CDH9: variants seen among roughly 807,000 people sequenced by gnomAD.
The protein encoded by CDH9 is cadherin-9.
In CDH9, 28 loss-of-function variants were observed where a neutral mutation model predicts 70.9. The observed-to-expected ratio is 0.40, with a 90% CI of 0.29 to 0.54. The LOEUF (loss-of-function observed/expected upper bound fraction) is 0.54. Ranked by LOEUF, CDH9 falls within the 20% of genes least tolerant of loss-of-function variation. The probability of loss-of-function intolerance (pLI) is 0.59; values close to 1 mark genes in which losing one functional copy is unlikely to be tolerated. For synonymous variants in CDH9, 409 were observed against 343.1 expected (o/e 1.19, Z -2.12); for missense variants, 874 against 984.4 (o/e 0.89, Z 1.50).
At chr5:26,975,789 A>G (rs1334075947) in intron 2 of CDH9, among the ~76,000 whole-genome samples, 2 of 152,224 alleles carry the variant, frequency 1.3e-5, no homozygotes, top group Non-Finnish European at 2.9e-5. Context: ...CTTATAGCCT[A>G]TATCATAACC....
intron 1 of CDH9, among the ~76,000 whole-genome samples, chr5:27,030,856 T>A (rs1057468130): frequency 4.6e-5 from 7 of 151,836 alleles, no homozygotes; most frequent in Non-Finnish European, 1.0e-4. Context: ...GTGAGAGTAA[T>A]TCTTTACATC....
chr5:26,924,140 A>G (rs1239780202), intron 2 of CDH9, among the ~76,000 whole-genome samples: 1 of 152,088 alleles, frequency 6.6e-6, no homozygotes, highest in Non-Finnish European at 1.5e-5. Flanking sequence ...AACAAAATCA[A>G]CAATCATTTA....
chr5:26,893,664 TAAC>T (rs1478206499), intron 7 of CDH9, among the ~76,000 whole-genome samples: 4 of 149,524 alleles, frequency 2.7e-5, no homozygotes, highest in Non-Finnish European at 5.9e-5. Flanking sequence ...TAAGAATGCA[TAAC>T]AGCATATATA....
At chr5:26,938,140 A>C (rs1741593129) in intron 2 of CDH9, among the ~76,000 whole-genome samples, 1 of 151,728 alleles carries the variant, frequency 6.6e-6, no homozygotes, top group Non-Finnish European at 1.5e-5. Context: ...TAAACCTAAA[A>C]CTTCTCTAAA....
chr5:26,901,263 T>G (rs1244872393), intron 7 of CDH9, among the ~76,000 whole-genome samples: 1 of 151,962 alleles, frequency 6.6e-6, no homozygotes, highest in Non-Finnish European at 1.5e-5. Flanking sequence ...ATAATGTATT[T>G]TTTTAAAACA....
At chr5:26,942,377 T>C (rs562205738) in intron 2 of CDH9, among the ~76,000 whole-genome samples, 85 of 152,036 alleles carry the variant, frequency 5.6e-4, no homozygotes, top group Non-Finnish European at 1.1e-3. Flanking sequence ...AGCCAAACTA[T>C]ATCAACCTCT....
At position 26,881,134 on chromosome 5, in the gene CDH9, T is replaced by C. The variant is rs1740453376; in HGVS notation, c.*2A>G. The C allele has an allele frequency of 1.3e-6, 2 of 1,597,270 alleles. No homozygotes were observed. The highest frequency in any genetic ancestry group is 2.2e-5 in the East Asian group (1 of 44,722). ...TAATATTGATTAAGTCAAACAATCC[T>C]CTTAGTCTCGGTCACTATCATCACC... On this transcript the variant is annotated 3_prime_UTR_variant, in exon 12 of 12. Coordinates refer to ENST00000231021, the MANE Select transcript of CDH9 (RefSeq NM_016279.4).
intron 5 of CDH9, among the ~76,000 whole-genome samples, chr5:26,904,567 C>A (rs983328784): frequency 2.0e-5 from 3 of 152,046 alleles, no homozygotes; most frequent in African/African-American, 7.2e-5. Context: ...TTAGCTATAT[C>A]ATCTTCAGGG....
At chr5:26,944,347 T>A (rs1255129692) in intron 2 of CDH9, among the ~76,000 whole-genome samples, 1 of 152,140 alleles carries the variant, frequency 6.6e-6, no homozygotes, top group Non-Finnish European at 1.5e-5. Context: ...TTCCAAAATA[T>A]CTTGTCTCTA....
chr5:27,005,736 T>C (rs1208199313), intron 1 of CDH9, among the ~76,000 whole-genome samples: 1 of 152,078 alleles, frequency 6.6e-6, no homozygotes, highest in East Asian at 1.9e-4. Context: ...TGCAGCACTG[T>C]TCAGAAAAGC....
intron 2 of CDH9, among the ~76,000 whole-genome samples, chr5:26,964,347 A>G (rs968096398): frequency 6.6e-6 from 1 of 152,178 alleles, no homozygotes; most frequent in African/African-American, 2.4e-5. Flanking sequence ...TGCTTCACTG[A>G]GTTATGGTGT....
At chr5:26,990,419 C>G (rs1440767331) in intron 1 of CDH9, among the ~76,000 whole-genome samples, 1 of 152,030 alleles carries the variant, frequency 6.6e-6, no homozygotes, top group Non-Finnish European at 1.5e-5. Flanking sequence ...TGGTTAAGTT[C>G]CAGAATTACA....
chr5:26,970,302 A>G (rs1037321409), intron 2 of CDH9, among the ~76,000 whole-genome samples: 1 of 152,080 alleles, frequency 6.6e-6, no homozygotes, highest in East Asian at 1.9e-4. Context: ...TATTGATCTT[A>G]TTGTTCTTTC....
Position 26,902,514 on chromosome 5 carries a change from A to C in CDH9, c.1215T>G (p.Val405=). 6.2e-7 allele frequency: 1 copy of C among 1,605,794 alleles called. No individual in the cohort carries two copies. The highest frequency in any genetic ancestry group is 1.3e-5 in the African/African-American group (1 of 74,798). Residue 405 remains valine, a synonymous_variant, in exon 7 of 12, where the codon GTT becomes GTG. Transcript: ENST00000231021. ...DVKEGSIIGQ[V]TAYDPDARNN... ...TCCTGGCATCTGGATCGTATGCTGT[A>C]ACCTGTCCAATGATACTGCCCTCCT...
At chr5:26,958,435 C>T (rs1046949976) in intron 2 of CDH9, among the ~76,000 whole-genome samples, 2 of 152,194 alleles carry the variant, frequency 1.3e-5, no homozygotes, top group Admixed American at 6.5e-5. Flanking sequence ...TGCCTGATCT[C>T]TCTGCGTGCC....
At chr5:26,883,641 T>G (rs1740511932) in intron 11 of CDH9, among the ~76,000 whole-genome samples, 1 of 152,198 alleles carries the variant, frequency 6.6e-6, no homozygotes, top group African/African-American at 2.4e-5. Context: ...GAACACAGCA[T>G]GTGTGATTTG....
At chr5:26,921,593 A>C (rs1741244564) in intron 2 of CDH9, among the ~76,000 whole-genome samples, 1 of 152,220 alleles carries the variant, frequency 6.6e-6, no homozygotes, top group African/African-American at 2.4e-5. Flanking sequence ...ATCTGGCATC[A>C]ATAAAAACCA....
intron 2 of CDH9, among the ~76,000 whole-genome samples, chr5:26,982,004 C>T (rs1434701747): frequency 6.6e-6 from 1 of 152,104 alleles, no homozygotes; most frequent in Non-Finnish European, 1.5e-5. Flanking sequence ...ATCCCTCTCT[C>T]CATACCCTTC....
intron 11 of CDH9, among the ~76,000 whole-genome samples, chr5:26,883,833 T>C (rs1006070871): frequency 6.6e-6 from 1 of 152,126 alleles, no homozygotes; most frequent in Non-Finnish European, 1.5e-5. Context: ...TAGATTTTAA[T>C]CTTCCATCTT....
Sources: gnomAD v4.1 joint callset for allele counts (sites outside exome capture counted in the v4.1 genomes callset) on GRCh38, gnomAD v4.1.1 for gene constraint, MANE v1.5 for transcripts, NCBI Gene and HGNC (gene_info 2026-07-23, HGNC 2026-07-21) for gene names.